MGLL: variants seen among roughly 807,000 people sequenced by gnomAD.
MGLL encodes the protein monoglyceride lipase, also known as lysophospholipase homolog.
In MGLL, 7 loss-of-function variants were observed where a neutral mutation model predicts 29.1. The observed-to-expected ratio is 0.24, with a 90% CI of 0.14 to 0.45. The LOEUF is 0.45. Ranked by LOEUF, MGLL falls within the 20% of genes least tolerant of loss-of-function variation. MGLL has a pLI of 0.99. For missense variants in MGLL, 356 were observed against 413.6 expected, an observed-to-expected ratio of 0.86 and a Z score of 1.21; for synonymous variants, 148 against 168.3, an observed-to-expected ratio of 0.88 and a Z score of 0.93.
At chr3:127,694,040 G>A (rs1484888791) in intron 7 of MGLL, among the ~76,000 whole-genome samples, 10 of 152,064 alleles carry the variant, frequency 6.6e-5, no homozygotes, top group Non-Finnish European at 1.0e-4. Flanking sequence ...GGGAGGCCAA[G>A]GCAGGTGGAT....
At chr3:127,801,675 A>T (rs905426873) in intron 2 of MGLL, among the ~76,000 whole-genome samples, 1 of 151,988 alleles carries the variant, frequency 6.6e-6, no homozygotes, top group Non-Finnish European at 1.5e-5. Flanking sequence ...AAAAGTTCAG[A>T]TGCATGCAAG....
chr3:127,781,579 G>T (rs1214444173), intron 3 of MGLL, among the ~76,000 whole-genome samples: 2 of 152,202 alleles, frequency 1.3e-5, no homozygotes, highest in Non-Finnish European at 2.9e-5. Context: ...TCCAGTTGAG[G>T]TTTCTAATCA....
At chr3:127,797,653 G>A (rs149734802) in intron 2 of MGLL, among the ~76,000 whole-genome samples, 15 of 152,282 alleles carry the variant, frequency 9.9e-5, no homozygotes, top group Non-Finnish European at 1.8e-4. Context: ...TGTCACCCAG[G>A]CTGGAGTGCA....
Position 127,710,600 on chromosome 3 carries a change from G to T in MGLL, c.576C>A (p.Ser192Arg). 1 of 1,568,640 alleles carries T rather than the reference G, an allele frequency of 6.4e-7. No homozygotes were observed. ...CCTCTGTCTTATTCCGAGAGAGCAC[G>T]CTGGAGTCGATGGGCCCGAGGGACA... Reference protein sequence around the residue: ...PNLSLGPIDSSVLSRNKTEVD... With the variant: ...PNLSLGPIDSRVLSRNKTEVD... The change falls in exon 6 of 8, where the codon AGC (serine) becomes AGA (arginine). Residue 192 changes from serine (S) to arginine (R), a missense_variant. Coordinates refer to ENST00000265052, the MANE Select transcript of MGLL (RefSeq NM_007283.7).
intron 2 of MGLL, among the ~76,000 whole-genome samples, chr3:127,800,275 G>A (rs982180395): frequency 2.6e-5 from 4 of 152,194 alleles, no homozygotes; most frequent in African/African-American, 9.7e-5. Flanking sequence ...TGCTAAGTGA[G>A]AGCAAAATAA....
Position 127,822,401 on chromosome 3 carries a change from G to A in MGLL, c.-83C>T, listed in dbSNP as rs192503551. The A allele has an allele frequency of 2.1e-4, 304 of 1,470,886 alleles. 1 individual carries two copies. Among genetic ancestry groups the A allele is most frequent in the Non-Finnish European group, 2.5e-4 (262 of 1,052,174 alleles). 91.1% of individuals were successfully genotyped at this position (1,470,886 alleles called of 1,614,324 possible). A position where few individuals can be genotyped will look rare whatever the true frequency, so the allele number is the denominator to read the frequency against. ...AATCGGGCTGTTCCCTCATCTGGGC[G>A]GCCCCAAGGCAGCAGGAAGGCAGCT... On this transcript the variant is annotated 5_prime_UTR_variant, in exon 1 of 8. Transcript: ENST00000265052.
chr3:127,739,252 A>C (rs1452204661), intron 3 of MGLL, among the ~76,000 whole-genome samples: 2 of 152,174 alleles, frequency 1.3e-5, no homozygotes, highest in Non-Finnish European at 2.9e-5. Context: ...AACTTCTTTG[A>C]GGCTCAGTCA....
chr3:127,735,765 T>G (rs1489599105), intron 3 of MGLL: 13 of 1,598,388 alleles, frequency 8.1e-6, no homozygotes, highest in Non-Finnish European at 1.1e-5. Context: ...TCCCTCCCTT[T>G]GTATGGTTTC....
intron 3 of MGLL, among the ~76,000 whole-genome samples, chr3:127,723,564 G>T (rs577953896): frequency 6.6e-6 from 1 of 150,536 alleles, no homozygotes; most frequent in Non-Finnish European, 1.5e-5. Context: ...GCCCCCCCAC[G>T]GTCTGTCTGA....
intron 3 of MGLL, among the ~76,000 whole-genome samples, chr3:127,779,970 TC>T (rs1229681645): frequency 6.6e-6 from 1 of 152,190 alleles, no homozygotes; most frequent in Non-Finnish European, 1.5e-5. Flanking sequence ...ATTAAACACT[TC>T]CCTTAGGCAC....
At chr3:127,791,896 C>T (rs1373973211) in intron 2 of MGLL, among the ~76,000 whole-genome samples, 1 of 152,166 alleles carries the variant, frequency 6.6e-6, no homozygotes, top group Non-Finnish European at 1.5e-5. Context: ...CATGGTGAAA[C>T]CCCGTCTCTA....
intron 3 of MGLL, among the ~76,000 whole-genome samples, chr3:127,750,393 G>T (rs2076536021): frequency 6.6e-6 from 1 of 152,258 alleles, no homozygotes; most frequent in African/African-American, 2.4e-5. Context: ...CAAGGAGACG[G>T]TCTCCACATC....
chr3:127,735,729 C>A (rs202091016), intron 3 of MGLL: 2 of 1,598,038 alleles, frequency 1.3e-6, no homozygotes, highest in Non-Finnish European at 1.7e-6. Flanking sequence ...GTTTCCAGCA[C>A]GTGCTCGCTC....
At chr3:127,695,810 C>G (rs2075349321) in intron 6 of MGLL, among the ~76,000 whole-genome samples, 1 of 152,218 alleles carries the variant, frequency 6.6e-6, no homozygotes, top group East Asian at 1.9e-4. Flanking sequence ...TAAGCAGCAG[C>G]ATATTGTTCA....
At chr3:127,732,632 G>C (rs541465119) in intron 3 of MGLL, among the ~76,000 whole-genome samples, 1 of 152,236 alleles carries the variant, frequency 6.6e-6, no homozygotes, top group African/African-American at 2.4e-5. Context: ...AGAAGGATCT[G>C]GTTCCGTGTC....
At chr3:127,819,633 T>C (rs1024144399) in intron 2 of MGLL, among the ~76,000 whole-genome samples, 5 of 152,172 alleles carry the variant, frequency 3.3e-5, no homozygotes, top group Non-Finnish European at 5.9e-5. Flanking sequence ...GGGGGAAAGA[T>C]TGAAGCCCTG....
Position 127,723,275 on chromosome 3 carries a change from C to T in MGLL, c.263-709G>A, listed in dbSNP as rs552902330. Among the ~76,000 whole-genome samples, 61 of 152,320 alleles carry T rather than the reference C, an allele frequency of 4.0e-4. No homozygotes were observed. The South Asian group carries it at 0.012, about 29-fold the overall frequency. ...AACTCACTGGCTGTGGCTTCACATTCGGGCTGAAAGCAGCTGTGATGGTTT... is the reference window on the plus strand; with the variant it reads ...AACTCACTGGCTGTGGCTTCACATTTGGGCTGAAAGCAGCTGTGATGGTTT... On this transcript the variant is annotated intron_variant, in intron 3 of 7. Coordinates refer to ENST00000265052, the MANE Select transcript of MGLL (RefSeq NM_007283.7).
upstream of MGLL, chr3:127,822,641 A>G: frequency 2.4e-6 from 1 of 411,402 alleles, no homozygotes; most frequent in Non-Finnish European, 4.4e-6. Context: ...GGAAACTGGG[A>G]AACTAGCTCC....
intron 3 of MGLL, among the ~76,000 whole-genome samples, chr3:127,775,678 G>A (rs905108811): frequency 3.3e-5 from 5 of 152,218 alleles, no homozygotes; most frequent in Non-Finnish European, 5.9e-5. Context: ...AGGATGGTTC[G>A]TTTATACTTT....
Sources: allele counts gnomAD v4.1 joint callset (sites outside exome capture counted in the v4.1 genomes callset), GRCh38; gene constraint gnomAD v4.1.1; transcripts MANE v1.5; gene names NCBI Gene and HGNC (gene_info 2026-07-23, HGNC 2026-07-21).